DLC1: variants seen among roughly 807,000 people sequenced by gnomAD.
DLC1 encodes the protein rho GTPase-activating protein 7.
A neutral mutation model predicts 140.3 loss-of-function variants in DLC1; 54 were observed. That is an observed-to-expected ratio of 0.38 (90% confidence interval 0.31 to 0.48). The LOEUF (loss-of-function observed/expected upper bound fraction) is 0.48, where lower values mean the gene tolerates loss of function less well. DLC1 is among the 20% of genes least tolerant of loss of function. The pLI is 0.96. For synonymous variants in DLC1, 986 were observed against 728.1 expected (o/e 1.35, Z -5.70); for missense variants, 2,536 against 1,907.0 (o/e 1.33, Z -6.14).
chr8:13,170,533 A>T (rs1339537628), intron 5 of DLC1, among the ~76,000 whole-genome samples: 1 of 152,144 alleles, frequency 6.6e-6, no homozygotes, highest in African/African-American at 2.4e-5. Context: ...AATCGAGACC[A>T]TCCTGGCCAA....
chr8:13,173,802 T>A (rs1489844565), intron 5 of DLC1, among the ~76,000 whole-genome samples: 1 of 152,246 alleles, frequency 6.6e-6, no homozygotes, highest in African/African-American at 2.4e-5. Context: ...TTTACTAATT[T>A]ACCTGGCCCA....
chr8:13,277,765 G>A (rs1831227965), intron 5 of DLC1, among the ~76,000 whole-genome samples: 1 of 151,928 alleles, frequency 6.6e-6, no homozygotes, highest in Admixed American at 6.6e-5. Flanking sequence ...ATTGGCATAA[G>A]ACATCTAAAG....
intron 5 of DLC1, among the ~76,000 whole-genome samples, chr8:13,212,150 T>C (rs1356998994): frequency 6.6e-6 from 1 of 152,222 alleles, no homozygotes; most frequent in African/African-American, 2.4e-5. Flanking sequence ...ATTTATGTTA[T>C]GTTATTAAGT....
Position 13,262,838 on chromosome 8 carries a change from G to C in DLC1, c.1348+42431C>G, listed in dbSNP as rs145204260. ...GATGGATGACGAATGCAAGTACAGA[G>C]GTCATCATCTCCACAGGCAGTAGTT... On this transcript the variant is annotated intron_variant, in intron 5 of 17. Transcript: ENST00000276297. 4.1e-3 allele frequency among the ~76,000 whole-genome samples: 623 copies of C among 152,234 alleles called. 5 individuals carry two copies. Among genetic ancestry groups the C allele is most frequent in the African/African-American group, 0.014 (578 of 41,540 alleles).
At chr8:13,441,052 A>G (rs1234123134) in intron 2 of DLC1, among the ~76,000 whole-genome samples, 1 of 152,214 alleles carries the variant, frequency 6.6e-6, no homozygotes, top group East Asian at 1.9e-4. Flanking sequence ...AATTTGTAAT[A>G]TAACCTGGGA....
At chr8:13,380,422 A>C (rs1836198392) in intron 4 of DLC1, among the ~76,000 whole-genome samples, 1 of 152,222 alleles carries the variant, frequency 6.6e-6, no homozygotes, top group Non-Finnish European at 1.5e-5. Flanking sequence ...AATGTTTTAA[A>C]GAAAACCCAT....
chr8:13,200,849 T>A (rs1365316936), intron 5 of DLC1, among the ~76,000 whole-genome samples: 1 of 152,126 alleles, frequency 6.6e-6, no homozygotes, highest in Non-Finnish European at 1.5e-5. Flanking sequence ...CCTCCAGACT[T>A]GGCCCCCCAA....
intron 5 of DLC1, among the ~76,000 whole-genome samples, chr8:13,220,997 T>TAAA (rs1828517978): frequency 6.6e-6 from 1 of 152,150 alleles, no homozygotes; most frequent in South Asian, 2.1e-4. Context: ...GTGATCACAT[T>TAAA]TTAAATTTAA....
chr8:13,354,859 G>C (rs573816090), intron 4 of DLC1, among the ~76,000 whole-genome samples: 42 of 151,284 alleles, frequency 2.8e-4, no homozygotes, highest in Non-Finnish European at 5.6e-4. Flanking sequence ...TGAGATGGGA[G>C]GATTGCTTGA....
chr8:13,566,087 G>T (rs1455854571), intron 1 of DLC1, among the ~76,000 whole-genome samples: 1 of 151,964 alleles, frequency 6.6e-6, no homozygotes, highest in Non-Finnish European at 1.5e-5. Flanking sequence ...CATACTAGTC[G>T]GCAACACCGA....
intron 5 of DLC1, among the ~76,000 whole-genome samples, chr8:13,200,101 G>T (rs1218519718): frequency 6.6e-6 from 1 of 152,074 alleles, no homozygotes; most frequent in African/African-American, 2.4e-5. Context: ...TGAGTGCAAT[G>T]GCGTGATCTC....
rs111743228 is a variant in DLC1 at position 13,548,032 on chromosome 8, A to T, written c.-125-47836T>A. Among the ~76,000 whole-genome samples, 1,283 of 152,192 alleles carry T rather than the reference A, an allele frequency of 8.4e-3. 21 individuals are homozygous for T. The highest frequency in any genetic ancestry group is 0.029 in the African/African-American group (1,212 of 41,554). ...AAATAGCACTTAAAATATTGTAATTATCTCTGTATCTATCAGAATCTCTTT... is the reference window on the plus strand; with the variant it reads ...AAATAGCACTTAAAATATTGTAATTTTCTCTGTATCTATCAGAATCTCTTT... On this transcript the variant is annotated intron_variant, in intron 1 of 1. Transcript: ENST00000631382.
chr8:13,420,444 G>A (rs891019932), intron 2 of DLC1, among the ~76,000 whole-genome samples: 2 of 152,046 alleles, frequency 1.3e-5, no homozygotes, highest in Admixed American at 1.3e-4. Flanking sequence ...CAAACTTGCA[G>A]GTTTGTTACA....
intron 2 of DLC1, among the ~76,000 whole-genome samples, chr8:13,452,825 C>T (rs1343127547): frequency 1.3e-5 from 2 of 152,102 alleles, no homozygotes; most frequent in African/African-American, 4.8e-5. Context: ...TGACTTTCCA[C>T]GAGGGGATAC....
intron 4 of DLC1, among the ~76,000 whole-genome samples, chr8:13,322,779 G>GA (rs1464936446): frequency 2.6e-5 from 4 of 152,158 alleles, no homozygotes; most frequent in African/African-American, 9.7e-5. Context: ...AGCTTGCTAT[G>GA]ATGAGTTTTA....
intron 2 of DLC1, among the ~76,000 whole-genome samples, chr8:13,459,169 C>T (rs1248039217): frequency 1.3e-5 from 2 of 152,170 alleles, no homozygotes; most frequent in African/African-American, 2.4e-5. Context: ...AAAATTAGTT[C>T]TCTTGAAAGT....
chr8:13,417,932 T>G (rs1184164281), intron 2 of DLC1, among the ~76,000 whole-genome samples: 2 of 152,202 alleles, frequency 1.3e-5, no homozygotes, highest in Admixed American at 6.5e-5. Context: ...GGTATCTCAT[T>G]GTGGTTTTGA....
rs749246152 is a variant in DLC1, at chr8:13,579,245, C to CATATATATATATATATATATAT, written c.-126+25270_-126+25291dup. Reference sequence around the variant, plus strand: ...GGAGCTCTAATTGAGGAACAGGGAGCATATATATATATATATATATATATG... The same window carrying CATATATATATATATATATATAT: ...GGAGCTCTAATTGAGGAACAGGGAGCATATATATATATATATATATATATATATATATATATATATATATATG... On this transcript the variant is annotated intron_variant, in intron 1 of 1. Coordinates refer to the DLC1 transcript ENST00000631382. Among the ~76,000 whole-genome samples the CATATATATATATATATATATAT allele has an allele frequency of 3.7e-4, 7 of 18,898 alleles. 1 individual carries two copies. Among genetic ancestry groups the CATATATATATATATATATATAT allele is most frequent in the South Asian group, 3.1e-3 (1 of 324 alleles). The allele number at this position is 18,898 out of a possible 152,430, so 12.4% of individuals were successfully genotyped here.
intron 1 of DLC1, among the ~76,000 whole-genome samples, chr8:13,554,269 G>T (rs1415559714): frequency 6.6e-6 from 1 of 152,088 alleles, no homozygotes; most frequent in African/African-American, 2.4e-5. Flanking sequence ...GTTTCGCCCT[G>T]TTGGCAGGCT....
Sources: gnomAD v4.1 joint callset for allele counts (sites outside exome capture counted in the v4.1 genomes callset) on GRCh38, gnomAD v4.1.1 for gene constraint, MANE v1.5 for transcripts, NCBI Gene and HGNC (gene_info 2026-07-23, HGNC 2026-07-21) for gene names.